Variants in ABTB3 observed in about 807,000 individuals in gnomAD.
The protein encoded by ABTB3 is ankyrin repeat and BTB domain containing 3.
chr12:107,404,672 G>A, the ABTB3 span, among the ~76,000 whole-genome samples: 1 of 152,120 alleles, frequency 6.6e-6, no homozygotes, highest in African/African-American at 2.4e-5. Flanking sequence ...TTTTCTACCG[G>A]TTTGGGGAGC....
chr12:107,606,182 CAGTTTTCTTAA>C, the ABTB3 span, among the ~76,000 whole-genome samples: 2 of 152,168 alleles, frequency 1.3e-5, no homozygotes, highest in African/African-American at 2.4e-5. Context: ...GTGACTTGGA[CAGTTTTCTTAA>C]AGTTTCCTCA....
At chr12:107,602,194 C>G in the ABTB3 span, among the ~76,000 whole-genome samples, 2 of 152,190 alleles carry the variant, frequency 1.3e-5, no homozygotes, top group Non-Finnish European at 2.9e-5. Flanking sequence ...AGCACTGACT[C>G]CCTCCCCACC....
the ABTB3 span, among the ~76,000 whole-genome samples, chr12:107,460,574 G>A: frequency 5.9e-5 from 9 of 152,134 alleles, no homozygotes; most frequent in East Asian, 3.9e-4. Context: ...CACAAGAATC[G>A]CTTGAGCCCC....
At chr12:107,488,688 T>A in the ABTB3 span, among the ~76,000 whole-genome samples, 1 of 150,238 alleles carries the variant, frequency 6.7e-6, no homozygotes, top group Non-Finnish European at 1.5e-5. Context: ...TATTATATAT[T>A]ATAAAATTTA....
chr12:107,523,586 T>C, the ABTB3 span, among the ~76,000 whole-genome samples: 3 of 152,232 alleles, frequency 2.0e-5, no homozygotes, highest in Non-Finnish European at 2.9e-5. Context: ...CTTTTTTAAT[T>C]AGCATGTGAT....
the ABTB3 span, among the ~76,000 whole-genome samples, chr12:107,587,802 G>T: frequency 2.0e-5 from 3 of 152,194 alleles, no homozygotes; most frequent in Non-Finnish European, 2.9e-5. Context: ...TGGAAGGATA[G>T]ATAAGAAATG....
the ABTB3 span, among the ~76,000 whole-genome samples, chr12:107,340,138 A>G: frequency 6.6e-6 from 1 of 152,110 alleles, no homozygotes; most frequent in Non-Finnish European, 1.5e-5. Context: ...CACATTAAGC[A>G]TGTTAGCCAT....
chr12:107,571,412 G>A, the ABTB3 span, among the ~76,000 whole-genome samples: 2 of 152,222 alleles, frequency 1.3e-5, no homozygotes, highest in Admixed American at 6.5e-5. Context: ...TTGTAAGGCT[G>A]TGTGCTGCCT....
the ABTB3 span, among the ~76,000 whole-genome samples, chr12:107,558,622 A>T: frequency 6.6e-6 from 1 of 152,068 alleles, no homozygotes; most frequent in Non-Finnish European, 1.5e-5. Context: ...CTGCATCCCC[A>T]CCTCTCCCGT....
At chr12:107,602,996 A>C in the ABTB3 span, among the ~76,000 whole-genome samples, 2 of 152,144 alleles carry the variant, frequency 1.3e-5, no homozygotes, top group African/African-American at 4.8e-5. Flanking sequence ...AATTGATCAG[A>C]TTTTTTACTG....
At chr12:107,489,195 G>T in the ABTB3 span, among the ~76,000 whole-genome samples, 1 of 152,102 alleles carries the variant, frequency 6.6e-6, no homozygotes, top group Admixed American at 6.5e-5. Context: ...TTTAGAAAAC[G>T]AATATAGCAA....
the ABTB3 span, among the ~76,000 whole-genome samples, chr12:107,430,517 C>A: frequency 6.6e-6 from 1 of 152,206 alleles, no homozygotes; most frequent in Non-Finnish European, 1.5e-5. Flanking sequence ...TTGACTATCA[C>A]CACACCTACA....
the ABTB3 span, among the ~76,000 whole-genome samples, chr12:107,475,341 T>A: frequency 6.6e-6 from 1 of 152,210 alleles, no homozygotes; most frequent in South Asian, 2.1e-4. Flanking sequence ...CAAGTTCTCA[T>A]GATTACCAAA....
At chr12:107,377,840 T>C in the ABTB3 span, among the ~76,000 whole-genome samples, 1 of 152,172 alleles carries the variant, frequency 6.6e-6, no homozygotes, top group Non-Finnish European at 1.5e-5. Context: ...GGCAGTAGGA[T>C]GTGGCCAAAT....
At chr12:107,550,591 T>C in the ABTB3 span, among the ~76,000 whole-genome samples, 1 of 149,632 alleles carries the variant, frequency 6.7e-6, no homozygotes, top group African/African-American at 2.4e-5. Flanking sequence ...TTCTTTTTTT[T>C]TTTTTTTGAG....
At chr12:107,527,576 G>GT in the ABTB3 span, among the ~76,000 whole-genome samples, 9 of 149,236 alleles carry the variant, frequency 6.0e-5, no homozygotes, top group African/African-American at 1.5e-4. Context: ...CTGGCCAAGA[G>GT]TTTTTGTTTT....
At chr12:107,499,502 C>T in the ABTB3 span, among the ~76,000 whole-genome samples, 13 of 152,080 alleles carry the variant, frequency 8.5e-5, no homozygotes, top group Admixed American at 7.2e-4. Flanking sequence ...CCTGTGTATT[C>T]GTCTGTTTTC....
At chr12:107,444,548 G>T in the ABTB3 span, among the ~76,000 whole-genome samples, 1 of 152,176 alleles carries the variant, frequency 6.6e-6, no homozygotes, top group Non-Finnish European at 1.5e-5. Flanking sequence ...TCTGTTATTA[G>T]TCCTGTTTTA....
chr12:107,432,762 A>T, the ABTB3 span, among the ~76,000 whole-genome samples: 1 of 152,222 alleles, frequency 6.6e-6, no homozygotes, highest in Non-Finnish European at 1.5e-5. Context: ...TGGTCTCCGT[A>T]CAGACTTCCA....
Sources: allele counts gnomAD v4.1 joint callset (sites outside exome capture counted in the v4.1 genomes callset), GRCh38; gene constraint gnomAD v4.1.1; transcripts MANE v1.5; gene names NCBI Gene and HGNC (gene_info 2026-07-23, HGNC 2026-07-21).